RAB33A: variants seen among roughly 807,000 people sequenced by gnomAD.
RAB33A encodes the protein RAB33A, member RAS oncogene family, also known as ras-related protein Rab-33A.
In RAB33A, 6 loss-of-function variants were observed where a neutral mutation model predicts 12.0. The observed-to-expected ratio is 0.50, with a 90% CI of 0.27 to 0.99. The LOEUF is 0.99. RAB33A is among the 50% of genes least tolerant of loss of function. The pLI, the probability that RAB33A is intolerant of heterozygous loss-of-function variation, is 0.11. For synonymous variants in RAB33A, 70 were observed against 82.4 expected, an observed-to-expected ratio of 0.85 and a Z score of 0.81; for missense variants, 109 against 192.0, an observed-to-expected ratio of 0.57 and a Z score of 2.55.
chrX:130,117,383 G>A, the RAB33A span, among the ~76,000 whole-genome samples: 16 of 111,940 alleles, frequency 1.4e-4, no homozygotes, highest in African/African-American at 5.2e-4. Context: ...GGCGCTGCTG[G>A]CTGTGAGTAG....
the RAB33A span, among the ~76,000 whole-genome samples, chrX:130,151,228 C>T: frequency 1.0e-4 from 11 of 108,440 alleles, no homozygotes; most frequent in Non-Finnish European, 1.9e-4. Flanking sequence ...ACAACCTCTG[C>T]CTCCTGGGTT....
chrX:130,127,351 C>A, the RAB33A span, among the ~76,000 whole-genome samples: 52 of 111,156 alleles, frequency 4.7e-4, no homozygotes, highest in Non-Finnish European at 9.2e-4. Context: ...TGTCTGCATT[C>A]CTCACGGACA....
At chrX:130,172,453 G>C in intron 1 of RAB33A, 133 bp downstream of exon 1, 1 of 850,397 alleles carries the variant, frequency 1.2e-6, no homozygotes, top group Admixed American at 3.9e-5. Context: ...GAGGACCCTC[G>C]GCTCCTCCTC....
the RAB33A span, among the ~76,000 whole-genome samples, chrX:130,160,084 C>G: frequency 8.9e-6 from 1 of 111,996 alleles, no homozygotes; most frequent in Non-Finnish European, 1.9e-5. Flanking sequence ...AATATTTAAA[C>G]TACTGCTTGA....
the RAB33A span, among the ~76,000 whole-genome samples, chrX:130,153,207 G>A: frequency 9.5e-6 from 1 of 105,175 alleles, no homozygotes; most frequent in African/African-American, 3.5e-5. Context: ...AAAATTAGCC[G>A]GGCATGGTGG....
At chrX:130,158,349 A>C in the RAB33A span, among the ~76,000 whole-genome samples, 1 of 112,355 alleles carries the variant, frequency 8.9e-6, no homozygotes, top group Non-Finnish European at 1.9e-5. Context: ...CAGGTGACTG[A>C]CTGGCTTTGG....
At chrX:130,155,903 C>A in the RAB33A span, among the ~76,000 whole-genome samples, 1 of 112,107 alleles carries the variant, frequency 8.9e-6, no homozygotes, top group Non-Finnish European at 1.9e-5. Flanking sequence ...CAATTAAACA[C>A]CATATTTCTC....
At chrX:130,116,163 T>C in the RAB33A span, among the ~76,000 whole-genome samples, 1,999 of 99,254 alleles carry the variant, frequency 0.02, 34 homozygotes, top group African/African-American at 0.055. Flanking sequence ...TGGAATGCAA[T>C]GGCGCGATCT....
At chrX:130,134,788 A>G in the RAB33A span, among the ~76,000 whole-genome samples, 1 of 112,031 alleles carries the variant, frequency 8.9e-6, no homozygotes. Flanking sequence ...AAAGCAACCT[A>G]AAAATCCAAC....
At chrX:130,183,800 A>ACTT (rs1484193554) in intron 1 of RAB33A, among the ~76,000 whole-genome samples, 1 of 112,159 alleles carries the variant, frequency 8.9e-6, no homozygotes, top group Non-Finnish European at 1.9e-5. Context: ...CTTAAGAAAA[A>ACTT]CTTGACAAAT....
At chrX:130,164,006 A>C in the RAB33A span, among the ~76,000 whole-genome samples, 3 of 107,566 alleles carry the variant, frequency 2.8e-5, no homozygotes, top group East Asian at 8.7e-4. Context: ...ATACAAAAAA[A>C]AAAAAAAAAA....
chrX:130,136,936 C>T, the RAB33A span: 5 of 1,140,198 alleles, frequency 4.4e-6, no homozygotes, highest in African/African-American at 7.2e-5. Flanking sequence ...CCTAGATGAA[C>T]TTAGCTGACT....
chrX:130,116,099 C>CT, the RAB33A span, among the ~76,000 whole-genome samples: 1,924 of 62,866 alleles, frequency 0.031, 32 homozygotes, highest in African/African-American at 0.076. Flanking sequence ...ACCCCAGGTC[C>CT]TTTTTTTTTT....
the RAB33A span, among the ~76,000 whole-genome samples, chrX:130,135,188 T>C: frequency 4.6e-5 from 5 of 109,116 alleles, no homozygotes; most frequent in Non-Finnish European, 9.5e-5. Flanking sequence ...GTTCAAGTGA[T>C]TCTCCTGCCT....
At chrX:130,147,953 C>G in the RAB33A span, 2 of 1,157,902 alleles carry the variant, frequency 1.7e-6, no homozygotes, top group Non-Finnish European at 2.4e-6. Flanking sequence ...AAAAAAATCA[C>G]CTTGCACTTG....
At chrX:130,115,160 G>A in the RAB33A span, among the ~76,000 whole-genome samples, 1 of 102,379 alleles carries the variant, frequency 9.8e-6, no homozygotes, top group African/African-American at 3.7e-5. Context: ...CAAATCATCA[G>A]GTTCTTTGGA....
At chrX:130,169,099 T>C (rs1361337396), upstream of RAB33A, among the ~76,000 whole-genome samples, 1 of 108,763 alleles carries the variant, frequency 9.2e-6, no homozygotes, top group Non-Finnish European at 1.9e-5. Flanking sequence ...TCCCAGCTAC[T>C]TGGGAGGCTG....
At chrX:130,129,749 T>C in the RAB33A span, 1 of 784,305 alleles carries the variant, frequency 1.3e-6, no homozygotes, top group Non-Finnish European at 1.9e-6. Flanking sequence ...GTGGGAACAG[T>C]TCTCTACTAA....
the RAB33A span, among the ~76,000 whole-genome samples, chrX:130,136,403 C>A: frequency 8.9e-6 from 1 of 112,258 alleles, no homozygotes; most frequent in Non-Finnish European, 1.9e-5. Context: ...GCCACCCTAG[C>A]CAGGACTCAA....
Sources: allele counts gnomAD v4.1 joint callset (sites outside exome capture counted in the v4.1 genomes callset), GRCh38; gene constraint gnomAD v4.1.1; transcripts MANE v1.5; gene names NCBI Gene and HGNC (gene_info 2026-07-23, HGNC 2026-07-21).